The following ARPIN variants were observed in gnomAD, a reference collection of about 807,000 sequenced individuals.
ARPIN encodes the protein actin related protein 2/3 complex inhibitor.
A neutral mutation model predicts 25.9 loss-of-function variants in ARPIN; 23 were observed. The observed-to-expected ratio is 0.89, with a 90% CI of 0.64 to 1.26. The LOEUF is 1.26. ARPIN is among the 50% of genes most tolerant of loss of function. The pLI is 0.00. For missense variants in ARPIN, 333 were observed against 312.2 expected, an observed-to-expected ratio of 1.07 and a Z score of -0.50; for synonymous variants, 126 against 131.4, an observed-to-expected ratio of 0.96 and a Z score of 0.28.
At chr15:89,904,069 G>C in intron 3 of ARPIN, 86 bp from the exon 4 acceptor site, 1 of 1,462,532 alleles carries the variant, frequency 6.8e-7, no homozygotes, top group Non-Finnish European at 9.1e-7. Flanking sequence ...TGAGGGCTGA[G>C]TGTTTCCAAG....
At position 89,903,517 on chromosome 15, in the gene ARPIN, C is replaced by T. The variant is rs1185599370; in HGVS notation, c.509-138G>A. The T allele has an allele frequency of 3.5e-6, 5 of 1,448,944 alleles. No homozygotes were observed. The East Asian group carries it at 1.2e-4, about 34-fold the overall frequency. 89.8% of individuals were successfully genotyped at this position (1,448,944 alleles called of 1,614,324 possible). A position where few individuals can be genotyped will look rare whatever the true frequency, so the allele number is the denominator to read the frequency against. On this transcript the variant is annotated intron_variant, in intron 4 of 5. Coordinates refer to ENST00000357484, the MANE Select transcript of ARPIN (RefSeq NM_182616.4). ...AGGCATAGATGTGGTCAATGAGCCCCTGGGTGGGACCCCCAAGGTATGGTG... is the reference window on the plus strand; with the variant it reads ...AGGCATAGATGTGGTCAATGAGCCCTTGGGTGGGACCCCCAAGGTATGGTG...
chr15:89,909,486 G>C (rs533525819), intron 2 of ARPIN, among the ~76,000 whole-genome samples: 112 of 152,354 alleles, frequency 7.4e-4, no homozygotes, highest in Admixed American at 2.0e-3. Context: ...GGCACCTGGA[G>C]GCCTTCTGGG....
At chr15:89,901,928 C>T (rs139379061) in intron 5 of ARPIN, 125 bp from the exon 6 acceptor site, 31 of 1,155,822 alleles carry the variant, frequency 2.7e-5, no homozygotes, top group African/African-American at 2.3e-4. Flanking sequence ...CTTGCCTGGG[C>T]GCCTCATTAG....
At chr15:89,902,992 A>G (rs990692934) in intron 5 of ARPIN, 10 of 1,434,030 alleles carry the variant, frequency 7.0e-6, no homozygotes, top group Non-Finnish European at 8.2e-6. Flanking sequence ...ATCTTTGGGG[A>G]ATAGTTAGGT....
rs181576531 is a variant in ARPIN at position 89,909,781 on chromosome 15, G to T, written c.168+963C>A. Among the ~76,000 whole-genome samples, 19 of 152,332 alleles carry T rather than the reference G, an allele frequency of 1.2e-4. 1 individual carries two copies. Among genetic ancestry groups the T allele is most frequent in the Admixed American group, 7.8e-4 (12 of 15,306 alleles). On this transcript the variant is annotated intron_variant, in intron 2 of 5. Coordinates refer to ENST00000357484, the MANE Select transcript of ARPIN (RefSeq NM_182616.4). ...GGAAAGAGGAAGGGAAGGCAAGGGAGGGGGAGGAATGGGCAAGGGCCCAAT... is the reference window on the plus strand; with the variant it reads ...GGAAAGAGGAAGGGAAGGCAAGGGATGGGGAGGAATGGGCAAGGGCCCAAT...
chr15:89,907,523 G>T (rs556339059), intron 3 of ARPIN, among the ~76,000 whole-genome samples: 1 of 152,192 alleles, frequency 6.6e-6, no homozygotes, highest in Non-Finnish European at 1.5e-5. Flanking sequence ...CTTGCCTTCT[G>T]CCATGTGAGG....
At position 89,897,441 on chromosome 15, in the gene ARPIN, C is replaced by T. The variant is rs191954736; in HGVS notation, c.*4354G>A. 100 of 152,276 alleles carry T rather than the reference C, an allele frequency of 6.6e-4. No homozygotes were observed. The South Asian group carries it at 0.013, about 19-fold the overall frequency. The allele number at this position is 152,276 out of a possible 1,614,324, so 9.4% of individuals were successfully genotyped here. Reference sequence around the variant, plus strand: ...CAGAGGTTGCAGTGGGCCAAGATCGCGCCATTGCACTCCAGCCTGGGCAAC... The same window carrying T: ...CAGAGGTTGCAGTGGGCCAAGATCGTGCCATTGCACTCCAGCCTGGGCAAC... On this transcript the variant is annotated 3_prime_UTR_variant, in exon 6 of 6. Transcript: ENST00000357484.
Position 89,901,759 on chromosome 15 carries a change from A to G in ARPIN, c.*36T>C, listed in dbSNP as rs1376290662. On this transcript the variant is annotated 3_prime_UTR_variant, in exon 6 of 6. Transcript: ENST00000357484. ...TGGAAGAAATGTTCCACAATGCTAC[A>G]GAAGGTGCTGGTGCCCCCAGAGGCA... The G allele has an allele frequency of 5.6e-6, 9 of 1,609,848 alleles. No individual in the cohort carries two copies. The Admixed American group carries it at 1.0e-4, about 18-fold the overall frequency.
chr15:89,896,064 T>G lies in ARPIN; in HGVS notation c.*5731A>C, dbSNP rs913264169. On this transcript the variant is annotated 3_prime_UTR_variant, in exon 6 of 6. Coordinates refer to ENST00000357484, the MANE Select transcript of ARPIN (RefSeq NM_182616.4). ...CCACCATGCCCAGCAAATTTTTGTA[T>G]TTTTAGTAGAGATGGGGTTTCACCA... is the stretch of plus-strand genomic sequence containing the variant. 2 of 152,256 alleles carry G rather than the reference T, an allele frequency of 1.3e-5. No homozygotes were observed. The highest frequency in any genetic ancestry group is 2.9e-5 in the Non-Finnish European group (2 of 68,080). 9.4% of individuals were successfully genotyped at this position (152,256 alleles called of 1,614,324 possible). A position where few individuals can be genotyped will look rare whatever the true frequency, so the allele number is the denominator to read the frequency against.
In ARPIN at chr15:89,900,928, C is replaced by CA. The variant is rs1897008826; in HGVS notation, c.*866dup. ...AAGTTCTCCAGGTACAAAACAACAACAAAAAAGGTATTCTCAAAACTGTAG... is the reference window on the plus strand; with the variant it reads ...AAGTTCTCCAGGTACAAAACAACAACAAAAAAAGGTATTCTCAAAACTGTAG... On this transcript the variant is annotated 3_prime_UTR_variant, in exon 6 of 6. Coordinates refer to ENST00000357484, the MANE Select transcript of ARPIN (RefSeq NM_182616.4). 1 of 152,108 alleles carries CA rather than the reference C, an allele frequency of 6.6e-6. No individual in the cohort carries two copies. Among genetic ancestry groups the CA allele is most frequent in the African/African-American group, 2.4e-5 (1 of 41,410 alleles). The allele number at this position is 152,108 out of a possible 1,614,324, so 9.4% of individuals were successfully genotyped here. A position where few individuals can be genotyped will look rare whatever the true frequency, so the allele number is the denominator to read the frequency against.
rs1897249825 is a variant in ARPIN at position 89,912,768 on chromosome 15, G to A, written c.68C>T (p.Ala23Val). 1 of 1,500,716 alleles carries A rather than the reference G, an allele frequency of 6.7e-7. No individual in the cohort carries two copies. The highest frequency in any genetic ancestry group is 8.9e-7 in the Non-Finnish European group (1 of 1,129,768). The allele number at this position is 1,500,716 out of a possible 1,614,324, so 93.0% of individuals were successfully genotyped here. Residue 23 changes from alanine to valine, a missense_variant, in exon 1 of 6, where the codon GCC (alanine) becomes GTC (valine). Physicochemically the swap from Ala to Val is moderately conservative, Grantham distance 64 (BLOSUM62 0). Coordinates refer to ENST00000357484, the MANE Select transcript of ARPIN (RefSeq NM_182616.4). Reference protein sequence around the residue: ...KAVQSVRLPGAWDPAAHQGGN... With the variant: ...KAVQSVRLPGVWDPAAHQGGN... Reference sequence around the variant, plus strand: ...CCCCTGGTGGGCGGCGGGGTCCCAGGCCCCTGGCAGCCGGACGCTCTGCAC... The same window carrying A: ...CCCCTGGTGGGCGGCGGGGTCCCAGACCCCTGGCAGCCGGACGCTCTGCAC...
At chr15:89,912,659 C>CCCCGGG in intron 1 of ARPIN, 85 bp downstream of exon 1, 3 of 1,161,512 alleles carry the variant, frequency 2.6e-6, no homozygotes, top group Non-Finnish European at 2.1e-6. Flanking sequence ...TTCCCCCACC[C>CCCCGGG]GCATCCCACC....
At position 89,898,801 on chromosome 15, in the gene ARPIN, C is replaced by T. The variant is rs934589838; in HGVS notation, c.*2994G>A. 1 of 152,198 alleles carries T rather than the reference C, an allele frequency of 6.6e-6. No individual in the cohort carries two copies. Among genetic ancestry groups the T allele is most frequent in the Admixed American group, 6.5e-5 (1 of 15,280 alleles). 9.4% of individuals were successfully genotyped at this position (152,198 alleles called of 1,614,324 possible). On this transcript the variant is annotated 3_prime_UTR_variant, in exon 6 of 6. Coordinates refer to ENST00000357484, the MANE Select transcript of ARPIN (RefSeq NM_182616.4). ...GCTTCCAAAAGCTGCCCCTACCAGCCACATGGGGGCCCCTGAAAGCAGGGT... is the reference window on the plus strand; with the variant it reads ...GCTTCCAAAAGCTGCCCCTACCAGCTACATGGGGGCCCCTGAAAGCAGGGT...
intron 5 of ARPIN, 40 bp downstream of exon 5, chr15:89,903,176 C>T (rs753215436): frequency 6.2e-7 from 1 of 1,614,160 alleles, no homozygotes; most frequent in South Asian, 1.1e-5. Flanking sequence ...GTACCATGCT[C>T]CTGCCAGGAG....
intron 2 of ARPIN, among the ~76,000 whole-genome samples, chr15:89,908,802 T>G (rs561109584): frequency 6.6e-6 from 1 of 151,762 alleles, no homozygotes; most frequent in South Asian, 2.1e-4. Flanking sequence ...GCCAGCATGG[T>G]GAAACCCTGT....
In ARPIN at chr15:89,896,571, A is replaced by G. The variant is rs991891519; in HGVS notation, c.*5224T>C. 6.6e-5 allele frequency: 10 copies of G among 152,252 alleles called. No individual in the cohort carries two copies. The highest frequency in any genetic ancestry group is 2.4e-4 in the African/African-American group (10 of 41,478). 9.4% of individuals were successfully genotyped at this position (152,252 alleles called of 1,614,324 possible). A position where few individuals can be genotyped will look rare whatever the true frequency, so the allele number is the denominator to read the frequency against. Reference sequence around the variant, plus strand: ...CTGTATTAGCTTAGAAGCAATAAAAATCACAAAACATCAACAGATATATAA... The same window carrying G: ...CTGTATTAGCTTAGAAGCAATAAAAGTCACAAAACATCAACAGATATATAA... On this transcript the variant is annotated 3_prime_UTR_variant, in exon 6 of 6. Transcript: ENST00000357484.
Position 89,902,965 on chromosome 15 carries a change from C to T in ARPIN, c.672+251G>A, listed in dbSNP as rs551458531. Reference sequence around the variant, plus strand: ...GATTAATATCCCTCTGCACCCCCTCCTTCCTACCACTTGGGAATCTTTGGG... The same window carrying T: ...GATTAATATCCCTCTGCACCCCCTCTTTCCTACCACTTGGGAATCTTTGGG... On this transcript the variant is annotated intron_variant, in intron 5 of 5. Transcript: ENST00000357484. 30 of 1,420,146 alleles carry T rather than the reference C, an allele frequency of 2.1e-5. No homozygotes were observed. In the South Asian group the frequency reaches 3.9e-4, roughly 18 times the overall value. 88.0% of individuals were successfully genotyped at this position (1,420,146 alleles called of 1,614,324 possible).
Position 89,902,845 on chromosome 15 carries a change from C to G in ARPIN, c.672+371G>C, listed in dbSNP as rs1451008225. ...GACACTTCAGGCAAGGAGCCCAAAC[C>G]AAAGGAGGAAAAACTACGCATTCAG... On this transcript the variant is annotated intron_variant, in intron 5 of 5. Transcript: ENST00000357484. 2.6e-6 allele frequency: 3 copies of G among 1,167,766 alleles called. No individual in the cohort carries two copies. In the African/African-American group the frequency reaches 4.8e-5, roughly 19 times the overall value. The allele number at this position is 1,167,766 out of a possible 1,614,324, so 72.3% of individuals were successfully genotyped here. A position where few individuals can be genotyped will look rare whatever the true frequency, so the allele number is the denominator to read the frequency against.
intron 3 of ARPIN, among the ~76,000 whole-genome samples, chr15:89,906,513 C>G (rs1468711797): frequency 6.6e-6 from 1 of 152,172 alleles, no homozygotes; most frequent in African/African-American, 2.4e-5. Flanking sequence ...TGCCTGGGCT[C>G]AGCACCCTTC....
Sources: gnomAD v4.1 joint callset for allele counts (sites outside exome capture counted in the v4.1 genomes callset) on GRCh38, gnomAD v4.1.1 for gene constraint, MANE v1.5 for transcripts, NCBI Gene and HGNC (gene_info 2026-07-23, HGNC 2026-07-21) for gene names.